Variants in AOPEP observed in about 807,000 individuals in gnomAD.
AOPEP encodes aminopeptidase O.
A neutral mutation model predicts 98.1 loss-of-function variants in AOPEP; 77 were observed. The observed-to-expected ratio is 0.78, with a 90% CI of 0.65 to 0.95. The LOEUF is 0.95. Among genes scored for constraint, AOPEP ranks in the 40% least tolerant of loss-of-function variants. AOPEP has a pLI of 0.00. For synonymous variants in AOPEP, 346 were observed against 365.3 expected, an observed-to-expected ratio of 0.95 and a Z score of 0.60; for missense variants, 1,024 against 1,024.7, an observed-to-expected ratio of 1.00 and a Z score of 0.01.
At chr9:95,066,480 AT>A in intron 14 of AOPEP, among the ~76,000 whole-genome samples, 2 of 152,334 alleles carry the variant, frequency 1.3e-5, no homozygotes, top group Middle Eastern at 6.8e-3. Context: ...AATCTGGCTA[AT>A]TTTTCTTAAA....
chr9:94,850,032 C>T (rs2135144353), intron 5 of AOPEP, among the ~76,000 whole-genome samples: 1 of 39,536 alleles, frequency 2.5e-5, no homozygotes, highest in South Asian at 1.3e-3. Context: ...GAGATTCCAT[C>T]TCAAAAAAAA....
At chr9:94,982,260 A>G (rs2060230263) in intron 11 of AOPEP, among the ~76,000 whole-genome samples, 1 of 152,196 alleles carries the variant, frequency 6.6e-6, no homozygotes, top group Non-Finnish European at 1.5e-5. Context: ...ATATAAATAC[A>G]TATTTTACGT....
chr9:94,757,868 A>C (rs879656077), intron 1 of AOPEP, among the ~76,000 whole-genome samples: 3 of 152,140 alleles, frequency 2.0e-5, no homozygotes, highest in Non-Finnish European at 4.4e-5. Context: ...TTTTAAGATC[A>C]CTGTTTCTGA....
chr9:95,133,620 G>A, the AOPEP span, among the ~76,000 whole-genome samples: 72 of 152,180 alleles, frequency 4.7e-4, no homozygotes, highest in Non-Finnish European at 6.9e-4. Flanking sequence ...GAAGGTTCAG[G>A]GAAGAATCCA....
intron 13 of AOPEP, among the ~76,000 whole-genome samples, chr9:95,029,689 C>T (rs1339903857): frequency 6.6e-6 from 1 of 152,204 alleles, no homozygotes; most frequent in Non-Finnish European, 1.5e-5. Context: ...TAAGCATCTT[C>T]TCCAGCAGCT....
intron 3 of AOPEP, among the ~76,000 whole-genome samples, chr9:94,782,525 C>T (rs1843525980): frequency 6.6e-6 from 1 of 152,206 alleles, no homozygotes; most frequent in Non-Finnish European, 1.5e-5. Context: ...TCCAGACCCT[C>T]CTGTGTGCAA....
intron 13 of AOPEP, among the ~76,000 whole-genome samples, chr9:95,015,653 T>C (rs1381436333): frequency 6.6e-6 from 1 of 152,164 alleles, no homozygotes; most frequent in African/African-American, 2.4e-5. Flanking sequence ...TGCAGGGAAG[T>C]GCAGGAGGTA....
chr9:94,739,773 C>T (rs1832659008), intron 1 of AOPEP, among the ~76,000 whole-genome samples: 1 of 152,120 alleles, frequency 6.6e-6, no homozygotes, highest in Admixed American at 6.5e-5. Flanking sequence ...GCATGAAGTT[C>T]ACCAGACCTA....
intron 2 of AOPEP, chr9:94,763,117 C>T: frequency 2.2e-6 from 1 of 462,230 alleles, no homozygotes; most frequent in Non-Finnish European, 4.5e-6. Context: ...TCTTTATTCT[C>T]ATTTTACAGG....
At chr9:95,108,680 C>T in the AOPEP span, among the ~76,000 whole-genome samples, 1 of 152,092 alleles carries the variant, frequency 6.6e-6, no homozygotes, top group African/African-American at 2.4e-5. Flanking sequence ...TATATGCTTA[C>T]TATGGAAAAT....
At chr9:94,738,317 C>A (rs781373543) in intron 1 of AOPEP, among the ~76,000 whole-genome samples, 2 of 152,164 alleles carry the variant, frequency 1.3e-5, no homozygotes, top group Non-Finnish European at 2.9e-5. Context: ...GTTCCTGTTG[C>A]CTGCTCAGGA....
At chr9:94,931,575 G>T in intron 7 of AOPEP, 1 of 615,488 alleles carries the variant, frequency 1.6e-6, no homozygotes, top group South Asian at 2.1e-5. Flanking sequence ...TTTGTTCTCA[G>T]ATTTTGTTTT....
chr9:95,049,008 A>C (rs1218423440), intron 13 of AOPEP: 2 of 152,086 alleles, frequency 1.3e-5, no homozygotes, highest in Non-Finnish European at 1.5e-5. Flanking sequence ...CCTGCTCTAG[A>C]CTCCGGCTCC....
At chr9:95,121,614 A>G in the AOPEP span, among the ~76,000 whole-genome samples, 1 of 152,328 alleles carries the variant, frequency 6.6e-6, no homozygotes, top group African/African-American at 2.4e-5. Flanking sequence ...GGATGGCTAC[A>G]CTGCCATACG....
At chr9:94,798,643 A>C (rs576226113) in intron 4 of AOPEP, among the ~76,000 whole-genome samples, 1 of 152,204 alleles carries the variant, frequency 6.6e-6, no homozygotes, top group Non-Finnish European at 1.5e-5. Context: ...AGCTTTGTCC[A>C]GAAGATGCCT....
At chr9:94,858,983 G>A (rs570445408) in intron 5 of AOPEP, among the ~76,000 whole-genome samples, 1 of 140,634 alleles carries the variant, frequency 7.1e-6, no homozygotes, top group East Asian at 2.1e-4. Context: ...AGCCAAGATT[G>A]CAGCACTGTA....
intron 5 of AOPEP, among the ~76,000 whole-genome samples, chr9:94,823,958 T>C (rs1358311072): frequency 6.6e-6 from 1 of 152,140 alleles, no homozygotes; most frequent in Non-Finnish European, 1.5e-5. Context: ...GTCCCTGGCA[T>C]GGAAGTGACC....
At chr9:94,767,711 A>G (rs1839931653) in intron 2 of AOPEP, among the ~76,000 whole-genome samples, 2 of 152,182 alleles carry the variant, frequency 1.3e-5, no homozygotes. Flanking sequence ...TTTGCACCCA[A>G]AACATCTCTG....
intron 13 of AOPEP, among the ~76,000 whole-genome samples, chr9:95,012,871 C>G (rs2062643095): frequency 6.7e-6 from 1 of 148,734 alleles, no homozygotes; most frequent in Admixed American, 6.8e-5. Flanking sequence ...TCATACCTGG[C>G]TATTGCATTA....
Sources: gnomAD v4.1 joint callset for allele counts (sites outside exome capture counted in the v4.1 genomes callset) on GRCh38, gnomAD v4.1.1 for gene constraint, MANE v1.5 for transcripts, NCBI Gene and HGNC (gene_info 2026-07-23, HGNC 2026-07-21) for gene names.